THSD4: variants seen among roughly 807,000 people sequenced by gnomAD.
THSD4 encodes the protein thrombospondin type 1 domain containing 4, also known as thrombospondin type-1 domain-containing protein 4.
THSD4 carries 69 observed loss-of-function variants against 119.0 expected under a neutral mutation model. The ratio of observed to expected loss-of-function variants is 0.58; its 90% confidence interval spans 0.48 to 0.71. The LOEUF is 0.71. THSD4 is among the 30% of genes least tolerant of loss of function. The pLI, the probability that THSD4 is intolerant of heterozygous loss-of-function variation, is 0.00. For synonymous variants in THSD4, 524 were observed against 540.4 expected, an observed-to-expected ratio of 0.97 and a Z score of 0.42; for missense variants, 1,393 against 1,391.1, an observed-to-expected ratio of 1.00 and a Z score of -0.02.
At chr15:71,450,307 G>A (rs2047244329) in intron 7 of THSD4, among the ~76,000 whole-genome samples, 1 of 152,166 alleles carries the variant, frequency 6.6e-6, no homozygotes, top group Non-Finnish European at 1.5e-5. Flanking sequence ...CCTGGTGATT[G>A]TAGGCCCAGG....
At chr15:71,611,704 G>C (rs1444538879) in intron 7 of THSD4, among the ~76,000 whole-genome samples, 1 of 152,240 alleles carries the variant, frequency 6.6e-6, no homozygotes, top group African/African-American at 2.4e-5. Flanking sequence ...AGGTTTCAGA[G>C]AACATGACAT....
chr15:71,297,594 A>G (rs1401223852), intron 6 of THSD4, among the ~76,000 whole-genome samples: 1 of 152,108 alleles, frequency 6.6e-6, no homozygotes, highest in Non-Finnish European at 1.5e-5. Context: ...TTGGCCTCCC[A>G]AAGTGCTGGG....
At chr15:71,767,270 T>C (rs959370435) in intron 16 of THSD4, 1 of 152,126 alleles carries the variant, frequency 6.6e-6, no homozygotes, top group Non-Finnish European at 1.5e-5. Flanking sequence ...TAAAAGAAAA[T>C]TAAGTTTTAA....
At chr15:71,422,333 G>A (rs1024819882) in intron 7 of THSD4, among the ~76,000 whole-genome samples, 5 of 152,130 alleles carry the variant, frequency 3.3e-5, no homozygotes, top group Non-Finnish European at 1.5e-5. Context: ...AGGCTTTCTG[G>A]ATATTTGCAG....
At chr15:71,444,573 C>T (rs541977497) in intron 7 of THSD4, among the ~76,000 whole-genome samples, 148 of 152,358 alleles carry the variant, frequency 9.7e-4, no homozygotes, top group Non-Finnish European at 1.7e-3. Context: ...CAGCACCTCA[C>T]GCTGCACGTG....
intron 6 of THSD4, among the ~76,000 whole-genome samples, chr15:71,318,546 T>C (rs1412253809): frequency 6.6e-6 from 1 of 152,156 alleles, no homozygotes; most frequent in Non-Finnish European, 1.5e-5. Flanking sequence ...TAAAGCCTCT[T>C]GGAGGCACTC....
intron 7 of THSD4, among the ~76,000 whole-genome samples, chr15:71,579,995 A>G (rs2049528211): frequency 6.6e-6 from 1 of 152,116 alleles, no homozygotes; most frequent in Admixed American, 6.5e-5. Context: ...TGCAAATTAC[A>G]CTGTGACTAA....
chr15:71,556,446 C>A (rs1217250823), intron 7 of THSD4, among the ~76,000 whole-genome samples: 1 of 151,818 alleles, frequency 6.6e-6, no homozygotes, highest in East Asian at 1.9e-4. Flanking sequence ...GTTGCTAATG[C>A]TTAGAAGTCC....
chr15:71,302,187 G>A (rs1206637306), intron 6 of THSD4, among the ~76,000 whole-genome samples: 4 of 152,192 alleles, frequency 2.6e-5, no homozygotes, highest in Non-Finnish European at 5.9e-5. Context: ...ATCCTTGTTT[G>A]ATCAGATTCC....
intron 6 of THSD4, among the ~76,000 whole-genome samples, chr15:71,290,874 CCTTTTTTTT>C (rs1181975421): frequency 1.1e-5 from 1 of 90,834 alleles, no homozygotes; most frequent in African/African-American, 4.0e-5. Context: ...TTCCTTTTTT[CCTTTTTTTT>C]TTTTTTTTTG....
At chr15:71,107,941 T>C (rs1242318115) in intron 1 of THSD4, among the ~76,000 whole-genome samples, 1 of 152,210 alleles carries the variant, frequency 6.6e-6, no homozygotes, top group African/African-American at 2.4e-5. Context: ...AACCAGCTGC[T>C]ATTATTTTTT....
chr15:71,684,239 T>C (rs1389205938), intron 8 of THSD4, among the ~76,000 whole-genome samples: 1 of 152,186 alleles, frequency 6.6e-6, no homozygotes, highest in Non-Finnish European at 1.5e-5. Context: ...TCTGGTAATT[T>C]CGTTGCGCTT....
At chr15:71,358,436 C>G (rs890769442) in intron 6 of THSD4, among the ~76,000 whole-genome samples, 1 of 152,210 alleles carries the variant, frequency 6.6e-6, no homozygotes, top group East Asian at 1.9e-4. Context: ...TAGATAGGGT[C>G]TCCATTTAGA....
At chr15:71,434,329 C>T (rs2046979286) in intron 7 of THSD4, among the ~76,000 whole-genome samples, 1 of 150,974 alleles carries the variant, frequency 6.6e-6, no homozygotes, top group Non-Finnish European at 1.5e-5. Flanking sequence ...TGAAGCAGAT[C>T]AGTGCAAAAG....
At chr15:71,391,529 A>G (rs908645924) in intron 6 of THSD4, among the ~76,000 whole-genome samples, 2 of 152,146 alleles carry the variant, frequency 1.3e-5, no homozygotes, top group African/African-American at 2.4e-5. Context: ...CTTTTGCTAC[A>G]TATTTAAGGT....
rs146715135 is a variant in THSD4, at chr15:71,370,851, G to C, written c.1016-40836G>C. 6.0e-3 allele frequency among the ~76,000 whole-genome samples: 912 copies of C among 152,160 alleles called. 8 individuals carry two copies. Among genetic ancestry groups the C allele is most frequent in the Middle Eastern group, 0.034 (10 of 294 alleles). Reference sequence around the variant, plus strand: ...TGGATATCCTTGTTAACTTTGTCTCGTCGATCTGTCTGATGTTGACAGTGG... The same window carrying C: ...TGGATATCCTTGTTAACTTTGTCTCCTCGATCTGTCTGATGTTGACAGTGG... On this transcript the variant is annotated intron_variant, in intron 6 of 17. Coordinates refer to ENST00000261862, the MANE Select transcript of THSD4 (RefSeq NM_024817.3).
At chr15:71,501,935 A>G (rs2048118455) in intron 7 of THSD4, among the ~76,000 whole-genome samples, 1 of 152,210 alleles carries the variant, frequency 6.6e-6, no homozygotes, top group Admixed American at 6.5e-5. Context: ...GAGGGAACAA[A>G]TCATGCAGAG....
chr15:71,606,150 T>C lies in THSD4; in HGVS notation c.1153-54380T>C, dbSNP rs764801590. ...AGGGCAGAAGCTTGACTCTGGGTAG[T>C]TGAAGAGAAAATACTGTCTCTGTTT... On this transcript the variant is annotated intron_variant, in intron 7 of 17. Transcript: ENST00000261862. 3.9e-5 allele frequency among the ~76,000 whole-genome samples: 6 copies of C among 152,354 alleles called. No individual in the cohort carries two copies. The East Asian group carries it at 5.8e-4, about 15-fold the overall frequency.
chr15:71,211,787 C>T (rs1441200705), intron 3 of THSD4, among the ~76,000 whole-genome samples: 1 of 152,152 alleles, frequency 6.6e-6, no homozygotes, highest in African/African-American at 2.4e-5. Context: ...AGGTTTTCTG[C>T]TTTGGTCTTC....
Sources: allele counts gnomAD v4.1 joint callset (sites outside exome capture counted in the v4.1 genomes callset), GRCh38; gene constraint gnomAD v4.1.1; transcripts MANE v1.5; gene names NCBI Gene and HGNC (gene_info 2026-07-23, HGNC 2026-07-21).